The following KAZN variants were observed in gnomAD, a reference collection of about 807,000 sequenced individuals.
KAZN encodes the protein kazrin.
In KAZN, 40 loss-of-function variants were observed where a neutral mutation model predicts 87.4. The ratio of observed to expected loss-of-function variants is 0.46; its 90% CI spans 0.36 to 0.60. KAZN has a LOEUF of 0.60. Among genes scored for constraint, KAZN ranks in the 20% least tolerant of loss-of-function variants. The pLI is 0.00. For synonymous variants in KAZN, 466 were observed against 458.3 expected, an observed-to-expected ratio of 1.02 and a Z score of -0.22; for missense variants, 898 against 1,073.9, an observed-to-expected ratio of 0.84 and a Z score of 2.29.
chr1:15,109,693 ATGTT>A (rs956561822), intron 13 of KAZN, among the ~76,000 whole-genome samples: 79 of 150,596 alleles, frequency 5.2e-4, no homozygotes, highest in Admixed American at 3.5e-3. Flanking sequence ...GTGTATGTGT[ATGTT>A]TGTGTATGAG....
At chr1:14,399,202 A>G (rs1275205925) in intron 2 of KAZN, among the ~76,000 whole-genome samples, 6 of 151,884 alleles carry the variant, frequency 4.0e-5, no homozygotes, top group Admixed American at 3.9e-4. Flanking sequence ...TTTTTAGTGG[A>G]GATGAGGTCT....
intron 1 of KAZN, among the ~76,000 whole-genome samples, chr1:14,960,130 T>G (rs546995220): frequency 6.6e-6 from 1 of 152,324 alleles, no homozygotes; most frequent in South Asian, 2.1e-4. Flanking sequence ...GTGTTGAATA[T>G]GCCTTTCTAT....
At chr1:15,023,047 G>A (rs905853794) in intron 2 of KAZN, among the ~76,000 whole-genome samples, 1 of 152,214 alleles carries the variant, frequency 6.6e-6, no homozygotes, top group Non-Finnish European at 1.5e-5. Flanking sequence ...CCTTCAGGTG[G>A]CCTCTAGGCT....
intron 2 of KAZN, among the ~76,000 whole-genome samples, chr1:14,467,707 A>G (rs1439359267): frequency 1.3e-5 from 2 of 149,532 alleles, no homozygotes; most frequent in Non-Finnish European, 2.9e-5. Context: ...TAGACTTTAC[A>G]TCGCCCTCAG....
chr1:14,255,119 C>CAAAAAAAAA (rs71570191), intron 2 of KAZN, among the ~76,000 whole-genome samples: 4 of 83,730 alleles, frequency 4.8e-5, no homozygotes, highest in East Asian at 3.3e-4. Context: ...GACTCTGTCT[C>CAAAAAAAAA]AAAAAAAAAA....
In KAZN at chr1:14,326,213, C is replaced by T. The variant is rs143406766; in HGVS notation, c.249+145621C>T. 3.0e-3 allele frequency among the ~76,000 whole-genome samples: 460 copies of T among 152,272 alleles called. 1 individual carries two copies. The highest frequency in any genetic ancestry group is 0.01 in the African/African-American group (430 of 41,554). ...CTGCCCCCTACCCCCGCCCCACCGCCGAGTTCCCACCACCAACACATCTAA... is the reference window on the plus strand; with the variant it reads ...CTGCCCCCTACCCCCGCCCCACCGCTGAGTTCCCACCACCAACACATCTAA... On this transcript the variant is annotated intron_variant, in intron 2 of 16. Coordinates refer to the KAZN transcript ENST00000636203.
intron 2 of KAZN, among the ~76,000 whole-genome samples, chr1:14,387,405 C>T (rs1181918121): frequency 6.6e-6 from 1 of 152,180 alleles, no homozygotes; most frequent in Non-Finnish European, 1.5e-5. Context: ...TTTAGAGTTT[C>T]CAGTTTTTCT....
intron 3 of KAZN, among the ~76,000 whole-genome samples, chr1:15,041,241 C>T (rs10927651): frequency 0.49 from 73,266 of 150,218 alleles, 18,301 homozygotes; most frequent in African/African-American, 0.55. Context: ...GGATTACAGG[C>T]ATGAGCCACC....
At chr1:14,917,201 C>T (rs192395496) in intron 1 of KAZN, among the ~76,000 whole-genome samples, 8 of 152,248 alleles carry the variant, frequency 5.3e-5, no homozygotes, top group African/African-American at 1.9e-4. Flanking sequence ...GGGTGGACCC[C>T]GAGTAAAATC....
intron 2 of KAZN, among the ~76,000 whole-genome samples, chr1:14,964,978 C>A (rs1037732598): frequency 6.6e-6 from 1 of 151,856 alleles, no homozygotes; most frequent in Non-Finnish European, 1.5e-5. Flanking sequence ...TTGGTCTCAT[C>A]ATGAGCTTAA....
intron 1 of KAZN, among the ~76,000 whole-genome samples, chr1:14,860,491 G>A (rs181830330): frequency 2.0e-5 from 3 of 152,236 alleles, no homozygotes; most frequent in South Asian, 2.1e-4. Flanking sequence ...CACCACGCCC[G>A]GACAGGATAT....
At chr1:13,894,553 G>A (rs2100819935) in intron 1 of KAZN, among the ~76,000 whole-genome samples, 1 of 152,278 alleles carries the variant, frequency 6.6e-6, no homozygotes, top group South Asian at 2.1e-4. Context: ...ATTCTCACTG[G>A]GAAAACAACC....
At chr1:14,623,994 A>G (rs529463057) in intron 1 of KAZN, among the ~76,000 whole-genome samples, 5 of 152,334 alleles carry the variant, frequency 3.3e-5, no homozygotes, top group Admixed American at 2.0e-4. Context: ...GTGCCCTTGA[A>G]AACAATGTGT....
intron 2 of KAZN, among the ~76,000 whole-genome samples, chr1:14,563,761 T>C (rs749902189): frequency 1.3e-5 from 2 of 152,112 alleles, no homozygotes; most frequent in African/African-American, 2.4e-5. Flanking sequence ...ACCCATTGAC[T>C]GCAATAGCTT....
chr1:14,196,765 G>A (rs1275087764), intron 2 of KAZN, among the ~76,000 whole-genome samples: 1 of 152,024 alleles, frequency 6.6e-6, no homozygotes, highest in Non-Finnish European at 1.5e-5. Flanking sequence ...GTTCCTCTAG[G>A]GAGTTAGTGT....
chr1:14,622,506 C>T (rs1447133755), intron 1 of KAZN, among the ~76,000 whole-genome samples: 6 of 151,654 alleles, frequency 4.0e-5, no homozygotes, highest in African/African-American at 7.3e-5. Flanking sequence ...CTGGCGAACA[C>T]GGTGAAACCC....
chr1:14,904,520 C>T (rs933142580), intron 1 of KAZN, among the ~76,000 whole-genome samples: 10 of 152,162 alleles, frequency 6.6e-5, no homozygotes, highest in African/African-American at 2.4e-4. Context: ...AGATGCGGGA[C>T]GTCCCCCTGT....
At chr1:14,368,163 C>T (rs1418916958) in intron 2 of KAZN, among the ~76,000 whole-genome samples, 1 of 151,986 alleles carries the variant, frequency 6.6e-6, no homozygotes, top group Admixed American at 6.6e-5. Context: ...TGTTTGTTGA[C>T]TGCTATGAGG....
intron 1 of KAZN, among the ~76,000 whole-genome samples, chr1:14,903,556 T>A (rs1262931076): frequency 6.6e-6 from 1 of 152,144 alleles, no homozygotes; most frequent in African/African-American, 2.4e-5. Flanking sequence ...ATTTGCCAGA[T>A]GGGCAGAGGA....
Sources: gnomAD v4.1 joint callset for allele counts (sites outside exome capture counted in the v4.1 genomes callset) on GRCh38, gnomAD v4.1.1 for gene constraint, MANE v1.5 for transcripts, NCBI Gene and HGNC (gene_info 2026-07-23, HGNC 2026-07-21) for gene names.